LSS: variants seen among roughly 807,000 people sequenced by gnomAD.
LSS encodes lanosterol synthase.
In LSS, 90 loss-of-function variants were observed where a neutral mutation model predicts 110.3. The observed-to-expected ratio is 0.82, with a 90% CI of 0.69 to 0.97. The LOEUF (loss-of-function observed/expected upper bound fraction) is 0.97. Among genes scored for constraint, LSS ranks in the 50% least tolerant of loss-of-function variants. LSS has a pLI of 0.00. For missense variants in LSS, 927 were observed against 990.0 expected (o/e 0.94, Z 0.85); for synonymous variants, 433 against 400.0 (o/e 1.08, Z -0.98).
At chr21:46,196,509 C>T (rs1406015969) in intron 17 of LSS, 7 of 530,432 alleles carry the variant, frequency 1.3e-5, no homozygotes, top group Non-Finnish European at 2.4e-5. Flanking sequence ...CTTGGGAAGC[C>T]CCTGCAGACA....
At chr21:46,205,579 T>C (rs1324414685) in intron 17 of LSS, among the ~76,000 whole-genome samples, 1 of 152,232 alleles carries the variant, frequency 6.6e-6, no homozygotes, top group African/African-American at 2.4e-5. Flanking sequence ...GAGTCAGGTA[T>C]GTGATGTCTT....
rs1345807048 is a variant in LSS at position 46,216,771 on chromosome 21, C to G, written c.648-247G>C. 6.6e-6 allele frequency among the ~76,000 whole-genome samples: 1 copy of G among 152,152 alleles called. No individual in the cohort carries two copies. The highest frequency in any genetic ancestry group is 2.4e-5 in the African/African-American group (1 of 41,430). ...TGCATCCTAAAACCAGGTGATGGAG[C>G]TCCTAAATGCTTAGGATTGTCCGTG... On this transcript the variant is annotated intron_variant, in intron 6 of 21. Transcript: ENST00000397728. The surrounding 1 kb of genome is among the most constrained non-coding windows in gnomAD (Gnocchi z 4.2).
At position 46,219,481 on chromosome 21, in the gene LSS, C is replaced by G. The variant is rs749550781; in HGVS notation, c.642G>C (p.Glu214Asp). The G allele has an allele frequency of 1.9e-6, 3 of 1,591,186 alleles. No homozygotes were observed. Among genetic ancestry groups the G allele is most frequent in the Non-Finnish European group, 2.6e-6 (3 of 1,168,872 alleles). ...SWEGLNTLFP[E>D]MWLFPDWAPA... ...CCAATCAACAGCAGACATACCACAT[C>G]TCTGGGAACAGGGTATTGAGGCCTT... The change falls in exon 6 of 22, where the codon GAG becomes GAC. Residue 214 changes from glutamate (E) to aspartate (D), a missense_variant. Coordinates refer to ENST00000397728, the MANE Select transcript of LSS (RefSeq NM_002340.6).
chr21:46,213,856 T>TC (rs780761288), intron 9 of LSS, 21 bp from the exon 10 acceptor site: 348 of 1,580,922 alleles, frequency 2.2e-4, no homozygotes, highest in Non-Finnish European at 2.7e-4. Context: ...GACAGCCCTG[T>TC]CAAGGCTCCG....
chr21:46,214,952 G>T (rs969487975), intron 9 of LSS, among the ~76,000 whole-genome samples: 9 of 151,898 alleles, frequency 5.9e-5, no homozygotes, highest in Non-Finnish European at 1.2e-4. Context: ...GCCGGTGGGG[G>T]ACGGAAGCGG....
rs117397599 is a variant in LSS, at chr21:46,195,179, C to T, written c.1817+497G>A. Among the ~76,000 whole-genome samples, 736 of 152,306 alleles carry T rather than the reference C, an allele frequency of 4.8e-3. 27 individuals are homozygous for T. The South Asian group carries it at 0.079, about 16-fold the overall frequency. ...GAGGCATCTGTATGCCTGGAGGGGC[C>T]GGAGACCAGAAGCGTCCCTCCAGCA... On this transcript the variant is annotated intron_variant, in intron 19 of 21. Coordinates refer to ENST00000397728, the MANE Select transcript of LSS (RefSeq NM_002340.6).
At chr21:46,193,983 CATAGG>C (rs2079870549) in intron 20 of LSS, among the ~76,000 whole-genome samples, 1 of 152,110 alleles carries the variant, frequency 6.6e-6, no homozygotes, top group African/African-American at 2.4e-5. Context: ...TACGTGTGTG[CATAGG>C]CCTGTGTGTG....
intron 5 of LSS, among the ~76,000 whole-genome samples, chr21:46,219,841 C>A (rs1352789582): frequency 2.0e-5 from 3 of 152,192 alleles, no homozygotes; most frequent in Admixed American, 6.5e-5. Flanking sequence ...CAACCCCTGG[C>A]CCCAGGAAGG....
rs180693025 is a variant in LSS, at chr21:46,213,005, C to T, written c.1137+20G>A. On this transcript the variant is annotated intron_variant, in intron 11 of 21. Coordinates refer to ENST00000397728, the MANE Select transcript of LSS (RefSeq NM_002340.6). ...CATGATTGCAAAGGAAGCATGCAGCCGCAGTCCCGCAGCCCTTACCTGCAT... is the reference window on the plus strand; with the variant it reads ...CATGATTGCAAAGGAAGCATGCAGCTGCAGTCCCGCAGCCCTTACCTGCAT... The T allele has an allele frequency of 6.8e-4, 1,099 of 1,613,888 alleles. 11 individuals are homozygous for T. In the Middle Eastern group the frequency reaches 7.4e-3, roughly 11 times the overall value.
chr21:46,221,357 C>T (rs1419314820), intron 5 of LSS, among the ~76,000 whole-genome samples: 2 of 1,650 alleles, frequency 1.2e-3, no homozygotes, highest in South Asian at 0.071. Flanking sequence ...TCTTAGTTTG[C>T]TTGGCTTTAT....
At chr21:46,192,586 A>C (rs746518408) in intron 20 of LSS, 22 of 330,058 alleles carry the variant, frequency 6.7e-5, no homozygotes, top group South Asian at 4.6e-4. Context: ...ATCTGTCTCC[A>C]TGTACGTATG....
intron 5 of LSS, among the ~76,000 whole-genome samples, chr21:46,221,123 C>T (rs1300473956): frequency 1.7e-5 from 2 of 118,248 alleles, no homozygotes; most frequent in African/African-American, 6.6e-5. Context: ...AGGTGGACAG[C>T]CCGGGGCTTG....
At position 46,189,667 on chromosome 21, in the gene LSS, C is replaced by T. The variant is rs1002638119; in HGVS notation, c.*1437G>A. On this transcript the variant is annotated 3_prime_UTR_variant, in exon 22 of 22. Transcript: ENST00000397728. ...ATGACAGGATCTGAGGGTGTCCAGACGCAGATCTCCACTGCCTGAGGGAGA... is the reference window on the plus strand; with the variant it reads ...ATGACAGGATCTGAGGGTGTCCAGATGCAGATCTCCACTGCCTGAGGGAGA... 24 of 456,258 alleles carry T rather than the reference C, an allele frequency of 5.3e-5. No homozygotes were observed. The highest frequency in any genetic ancestry group is 9.3e-5 in the South Asian group (6 of 64,570). 28.3% of individuals were successfully genotyped at this position (456,258 alleles called of 1,614,324 possible). A position where few individuals can be genotyped will look rare whatever the true frequency, so the allele number is the denominator to read the frequency against.
Position 46,206,639 on chromosome 21 carries a change from G to A in LSS, c.1564+33C>T, listed in dbSNP as rs761399451. Reference sequence around the variant, plus strand: ...GTACCACAGTGCTAGCCAGCCCCGGGTTTGCGCGCCGCAGTGCTGGCCGAC... The same window carrying A: ...GTACCACAGTGCTAGCCAGCCCCGGATTTGCGCGCCGCAGTGCTGGCCGAC... On this transcript the variant is annotated intron_variant, in intron 16 of 21. Coordinates refer to ENST00000397728, the MANE Select transcript of LSS (RefSeq NM_002340.6). The A allele has an allele frequency of 9.5e-6, 15 of 1,580,678 alleles. 1 individual carries two copies. In the South Asian group the frequency reaches 1.7e-4, roughly 17 times the overall value.
In LSS at chr21:46,227,730, G is replaced by C. The variant is rs762969589; in HGVS notation, c.181-40C>G. On this transcript the variant is annotated intron_variant, in intron 2 of 21. Coordinates refer to ENST00000397728, the MANE Select transcript of LSS (RefSeq NM_002340.6). ...AAAAAAAAAAAAAGAGATAGCTGAC[G>C]GGACTGTTGCCCGGCCAGAGGAACC... 7 of 1,609,036 alleles carry C rather than the reference G, an allele frequency of 4.4e-6. No individual in the cohort carries two copies. The South Asian group carries it at 7.7e-5, about 18-fold the overall frequency.
At position 46,189,330 on chromosome 21, in the gene LSS, G is replaced by T. The variant is rs529353746; in HGVS notation, c.*1774C>A. 9.4e-5 allele frequency: 26 copies of T among 275,744 alleles called. No individual in the cohort carries two copies. The highest frequency in any genetic ancestry group is 6.6e-4 in the Admixed American group (13 of 19,818). The allele number at this position is 275,744 out of a possible 1,614,324, so 17.1% of individuals were successfully genotyped here. A position where few individuals can be genotyped will look rare whatever the true frequency, so the allele number is the denominator to read the frequency against. On this transcript the variant is annotated 3_prime_UTR_variant, in exon 22 of 22. Coordinates refer to ENST00000397728, the MANE Select transcript of LSS (RefSeq NM_002340.6). Reference sequence around the variant, plus strand: ...ACTGTCTGTCCTGCTGCTACCCCACGTGGGGGAGAACACGTGGGCTGAGAA... The same window carrying T: ...ACTGTCTGTCCTGCTGCTACCCCACTTGGGGGAGAACACGTGGGCTGAGAA...
intron 17 of LSS, among the ~76,000 whole-genome samples, chr21:46,200,960 G>T (rs1469561089): frequency 6.6e-6 from 1 of 152,244 alleles, no homozygotes; most frequent in Non-Finnish European, 1.5e-5. Flanking sequence ...CCTTTCCAAT[G>T]GTTCAAGAAA....
intron 17 of LSS, chr21:46,196,485 G>A (rs765979018): frequency 1.8e-6 from 1 of 557,612 alleles, no homozygotes; most frequent in East Asian, 2.9e-5. Flanking sequence ...AGGGACGTGA[G>A]GGGAAAGCAA....
In LSS at chr21:46,190,855, C is replaced by T; in HGVS notation, c.*249G>A. 2 of 523,748 alleles carry T rather than the reference C, an allele frequency of 3.8e-6. No homozygotes were observed. The highest frequency in any genetic ancestry group is 6.7e-6 in the Non-Finnish European group (2 of 297,468). The allele number at this position is 523,748 out of a possible 1,614,324, so 32.4% of individuals were successfully genotyped here. A position where few individuals can be genotyped will look rare whatever the true frequency, so the allele number is the denominator to read the frequency against. On this transcript the variant is annotated 3_prime_UTR_variant, in exon 22 of 22. Transcript: ENST00000397728. This position sits in a 1 kb window ranked among gnomAD's most constrained non-coding sequence, Gnocchi z 4.6. ...CTGTGCCTCCTCAGGGGTCACGGCT[C>T]CTGTGCCCCCTTCCTCACCCAAGCC...
Sources: gnomAD v4.1 joint callset for allele counts (sites outside exome capture counted in the v4.1 genomes callset) on GRCh38, gnomAD v4.1.1 for gene constraint, Gnocchi (gnomAD v3.1) non-coding constraint, MANE v1.5 for transcripts, NCBI Gene and HGNC (gene_info 2026-07-23, HGNC 2026-07-21) for gene names.